Variants in PAICS observed in about 807,000 individuals in gnomAD.
PAICS encodes phosphoribosylaminoimidazole carboxylase and phosphoribosylaminoimidazolesuccinocarboxamide synthase.
PAICS carries 33 observed loss-of-function variants against 53.7 expected under a neutral mutation model. The ratio of observed to expected loss-of-function variants is 0.61; its 90% CI spans 0.47 to 0.82. PAICS has a LOEUF of 0.82. PAICS is among the 40% of genes least tolerant of loss of function. PAICS has a pLI of 0.00. For missense variants in PAICS, 394 were observed against 494.1 expected (o/e 0.80, Z 1.92); for synonymous variants, 141 against 167.2 (o/e 0.84, Z 1.21).
chr4:56,414,685 T>C, the PAICS span, among the ~76,000 whole-genome samples: 1 of 152,192 alleles, frequency 6.6e-6, no homozygotes, highest in South Asian at 2.1e-4. Context: ...GTATGTTTGG[T>C]CCAGACTCTT....
upstream of PAICS, chr4:56,436,218 C>T: frequency 3.9e-6 from 6 of 1,536,610 alleles, no homozygotes; most frequent in Middle Eastern, 8.5e-4. Flanking sequence ...GGCCCCGCCT[C>T]CTTCCCCGCC....
intron 1 of PAICS, among the ~76,000 whole-genome samples, chr4:56,440,011 A>G (rs1398722035): frequency 6.6e-6 from 1 of 152,054 alleles, no homozygotes; most frequent in Non-Finnish European, 1.5e-5. Flanking sequence ...TCCTCCCTTC[A>G]TTGTCCATAC....
chr4:56,455,443 G>C (rs1275572761), intron 8 of PAICS, among the ~76,000 whole-genome samples: 1 of 152,156 alleles, frequency 6.6e-6, no homozygotes, highest in Non-Finnish European at 1.5e-5. Flanking sequence ...ATCCTGTACT[G>C]CTGTTGTCTT....
At chr4:56,414,119 C>T in the PAICS span, 1 of 152,006 alleles carries the variant, frequency 6.6e-6, no homozygotes, top group Non-Finnish European at 1.5e-5. Flanking sequence ...CTGCAGAATC[C>T]AAAAATTTTT....
At chr4:56,419,929 T>C in the PAICS span, 2 of 984,300 alleles carry the variant, frequency 2.0e-6, no homozygotes. Flanking sequence ...ATGAAATTTT[T>C]TACTGAGTTG....
upstream of PAICS, among the ~76,000 whole-genome samples, chr4:56,434,735 CATTTA>C (rs1382821986): frequency 3.3e-5 from 5 of 152,066 alleles, no homozygotes; most frequent in African/African-American, 1.2e-4. Flanking sequence ...GGCTTATTTC[CATTTA>C]ATTTATGTGA....
chr4:56,441,837 T>C lies in PAICS; in HGVS notation c.191T>C (p.Ile64Thr). ...ATCTCAAATAAAATCACCAGTTGTA[T>C]TTTTCAGTTATTACAGGAAGCAGGT... ...AAISNKITSC[I>T]FQLLQEAGIK... Residue 64 changes from isoleucine (I) to threonine (T), a missense_variant, in exon 2 of 9, where the codon ATT becomes ACT. This residue lies in a region of PAICS where 168 missense variants were observed against 199.3 expected (regional missense o/e 0.84). Transcript: ENST00000512576. 1 of 1,597,030 alleles carries C rather than the reference T, an allele frequency of 6.3e-7. No homozygotes were observed. Among genetic ancestry groups the C allele is most frequent in the Non-Finnish European group, 8.5e-7 (1 of 1,171,516 alleles).
At chr4:56,429,216 GAAGAAGA>G in the PAICS span, among the ~76,000 whole-genome samples, 1 of 152,226 alleles carries the variant, frequency 6.6e-6, no homozygotes, top group East Asian at 1.9e-4. Flanking sequence ...TATTTTAAAA[GAAGAAGA>G]AAGAAAAAAG....
the PAICS span, among the ~76,000 whole-genome samples, chr4:56,427,156 T>C: frequency 6.6e-6 from 1 of 152,258 alleles, no homozygotes; most frequent in Non-Finnish European, 1.5e-5. Context: ...GTTTCTGCCT[T>C]TCGGCTATTA....
chr4:56,413,468 A>T, the PAICS span, among the ~76,000 whole-genome samples: 1 of 152,172 alleles, frequency 6.6e-6, no homozygotes, highest in African/African-American at 2.4e-5. Context: ...ACTTTGAAAC[A>T]TTATTTCTAA....
chr4:56,450,508 A>C (rs1408085388), intron 5 of PAICS, 111 bp from the exon 6 acceptor site: 4 of 621,732 alleles, frequency 6.4e-6, no homozygotes, highest in Non-Finnish European at 1.2e-5. Context: ...CATTTTCAGA[A>C]GTATCCCTTG....
chr4:56,444,817 C>T (rs913174855), intron 2 of PAICS, among the ~76,000 whole-genome samples: 7 of 152,004 alleles, frequency 4.6e-5, no homozygotes, highest in Non-Finnish European at 7.4e-5. Flanking sequence ...CTCTCTAAGA[C>T]GAAGTTATCT....
the PAICS span, among the ~76,000 whole-genome samples, chr4:56,416,863 C>CT: frequency 6.6e-6 from 1 of 152,038 alleles, no homozygotes; most frequent in African/African-American, 2.4e-5. Flanking sequence ...TTCTATTTTT[C>CT]TTTTCTTTTC....
intron 1 of PAICS, among the ~76,000 whole-genome samples, chr4:56,439,484 G>A (rs1043430353): frequency 4.6e-5 from 7 of 152,118 alleles, no homozygotes; most frequent in Admixed American, 6.5e-5. Flanking sequence ...TGATCCGCCC[G>A]CCTCGGCCTC....
chr4:56,446,301 C>T, intron 2 of PAICS: 1 of 712,064 alleles, frequency 1.4e-6, no homozygotes, highest in Admixed American at 2.0e-5. Context: ...ATTCCTCCCA[C>T]TCCTCAGCCC....
At chr4:56,428,742 A>G in the PAICS span, among the ~76,000 whole-genome samples, 1 of 152,320 alleles carries the variant, frequency 6.6e-6, no homozygotes, top group South Asian at 2.1e-4. Flanking sequence ...AAAAATCATT[A>G]AAAATAGGTA....
chr4:56,422,361 C>T, the PAICS span: 1 of 152,016 alleles, frequency 6.6e-6, no homozygotes, highest in South Asian at 2.1e-4. Context: ...TTCATACAGT[C>T]ATTGCTGGAG....
intron 7 of PAICS, among the ~76,000 whole-genome samples, chr4:56,452,666 A>G (rs1335871663): frequency 6.6e-6 from 1 of 152,186 alleles, no homozygotes; most frequent in African/African-American, 2.4e-5. Context: ...CCAATAGAAA[A>G]TAGGCCCCCA....
Position 56,441,683 on chromosome 4 carries a change from T to C in PAICS, c.37T>C (p.Leu13=). 6.3e-7 allele frequency: 1 copy of C among 1,579,072 alleles called. No homozygotes were observed. Among genetic ancestry groups the C allele is most frequent in the Non-Finnish European group, 8.6e-7 (1 of 1,165,142 alleles). The change falls in exon 2 of 9, where the codon TTA becomes CTA. Residue 13 remains leucine, a synonymous_variant. Transcript: ENST00000512576. ...TAEVLNIGKK[L]YEGKTKEVYE... ...CACAGTACTGAACATTGGTAAAAAA[T>C]TATATGAGGGTAAAACAAAAGAAGT...
Sources: gnomAD v4.1 joint callset for allele counts (sites outside exome capture counted in the v4.1 genomes callset) on GRCh38, gnomAD v4.1.1 for gene constraint, gnomAD v4.1.1 regional missense constraint, MANE v1.5 for transcripts, NCBI Gene and HGNC (gene_info 2026-07-23, HGNC 2026-07-21) for gene names.